The following XKR5 variants were observed in gnomAD, a reference collection of about 807,000 sequenced individuals.
XKR5 encodes the protein XK related 5.
In XKR5, 46 loss-of-function variants were observed where a neutral mutation model predicts 40.8. That is an observed-to-expected ratio of 1.13 (90% CI 0.89 to 1.44). The LOEUF (loss-of-function observed/expected upper bound fraction) is 1.44. Ranked by LOEUF, XKR5 falls within the 40% of genes most tolerant of loss-of-function variation. XKR5 has a pLI of 0.00. For synonymous variants in XKR5, 466 were observed against 356.1 expected (o/e 1.31, Z -3.48); for missense variants, 1,169 against 844.7 (o/e 1.38, Z -4.76).
chr8:6,815,339 C>G (rs1392458343), intron 6 of XKR5, among the ~76,000 whole-genome samples: 1 of 152,198 alleles, frequency 6.6e-6, no homozygotes, highest in Non-Finnish European at 1.5e-5. Flanking sequence ...GCTTGAATCT[C>G]AGCTCTATCT....
intron 6 of XKR5, among the ~76,000 whole-genome samples, chr8:6,814,794 T>A (rs1803884637): frequency 6.6e-6 from 1 of 152,214 alleles, no homozygotes. Flanking sequence ...TCTCAAATGC[T>A]TGTTACGAAG....
At chr8:6,821,797 C>G in intron 5 of XKR5, 72 bp downstream of exon 5, 1 of 1,368,480 alleles carries the variant, frequency 7.3e-7, no homozygotes. Context: ...CACACACCCC[C>G]CACACACACC....
intron 1 of XKR5, 104 bp from the exon 2 acceptor site, chr8:6,833,004 G>C (rs919731734): frequency 9.1e-7 from 1 of 1,093,618 alleles, no homozygotes; most frequent in African/African-American, 1.6e-5. Flanking sequence ...ATGATGTTCT[G>C]ACCTCTTAAA....
At chr8:6,822,292 A>G (rs776353474) in intron 4 of XKR5, among the ~76,000 whole-genome samples, 1 of 152,268 alleles carries the variant, frequency 6.6e-6, no homozygotes, top group African/African-American at 2.4e-5. Flanking sequence ...AGTAGCTTCA[A>G]TAACACTTGC....
intron 6 of XKR5, among the ~76,000 whole-genome samples, chr8:6,815,364 G>A (rs924269332): frequency 3.3e-5 from 5 of 152,116 alleles, no homozygotes; most frequent in African/African-American, 1.2e-4. Context: ...CAAACCATTG[G>A]ATCTTTCGGG....
At chr8:6,827,699 G>A (rs1365009907) in intron 2 of XKR5, among the ~76,000 whole-genome samples, 2 of 152,140 alleles carry the variant, frequency 1.3e-5, no homozygotes, top group Non-Finnish European at 2.9e-5. Flanking sequence ...TCCTGACATG[G>A]GGTAGTTTCC....
chr8:6,824,905 G>A (rs527970646), intron 3 of XKR5, among the ~76,000 whole-genome samples: 110 of 152,274 alleles, frequency 7.2e-4, no homozygotes, highest in African/African-American at 2.6e-3. Context: ...GCATTTTGAG[G>A]ATAATTTTGA....
intron 5 of XKR5, among the ~76,000 whole-genome samples, chr8:6,818,742 CCT>C (rs962019664): frequency 1.1e-4 from 16 of 152,182 alleles, no homozygotes; most frequent in African/African-American, 3.4e-4. Context: ...TAAAAGCTCC[CCT>C]GAGTGCCACT....
intron 2 of XKR5, among the ~76,000 whole-genome samples, chr8:6,832,434 A>T (rs570576945): frequency 6.6e-6 from 1 of 152,322 alleles, no homozygotes; most frequent in East Asian, 1.9e-4. Context: ...CTCAACCAAC[A>T]AATCAAAACA....
rs1405000330 is a variant in XKR5, at chr8:6,811,038, C to G, written c.*160G>C. On this transcript the variant is annotated 3_prime_UTR_variant, in exon 7 of 7. Coordinates refer to ENST00000618742, the MANE Select transcript of XKR5 (RefSeq NM_207411.5). ...GTTTGCATTGGACCTGCAAAATCAT[C>G]CAGCCCTGTTTCTTCATTTTTCAGG... 5.2e-6 allele frequency: 4 copies of G among 763,472 alleles called. No individual in the cohort carries two copies. Among genetic ancestry groups the G allele is most frequent in the Non-Finnish European group, 8.2e-6 (4 of 489,286 alleles). 47.3% of individuals were successfully genotyped at this position (763,472 alleles called of 1,614,324 possible). A position where few individuals can be genotyped will look rare whatever the true frequency, so the allele number is the denominator to read the frequency against.
At position 6,835,368 on chromosome 8, in the gene XKR5, C is replaced by T. The variant is rs931881566; in HGVS notation, c.58+68G>A. ...CCCGCCCGGGCATAGGCAGCCTGTG[C>T]GGCTCCCGGCGCCGGGGTGGGGTTA... On this transcript the variant is annotated intron_variant, in intron 1 of 6. Transcript: ENST00000618742. The T allele has an allele frequency of 8.2e-6, 11 of 1,342,796 alleles. No individual in the cohort carries two copies. The African/African-American group carries it at 9.2e-5, about 11-fold the overall frequency. 83.2% of individuals were successfully genotyped at this position (1,342,796 alleles called of 1,614,324 possible). A position where few individuals can be genotyped will look rare whatever the true frequency, so the allele number is the denominator to read the frequency against.
At chr8:6,829,299 T>C (rs1326310842) in intron 2 of XKR5, 1 of 169,166 alleles carries the variant, frequency 5.9e-6, no homozygotes, top group Non-Finnish European at 1.5e-5. Context: ...TACAAGTGGA[T>C]TTGTGGGCTT....
intron 5 of XKR5, among the ~76,000 whole-genome samples, chr8:6,818,164 C>T (rs1421845863): frequency 1.3e-5 from 2 of 152,176 alleles, no homozygotes; most frequent in Non-Finnish European, 2.9e-5. Flanking sequence ...TTCCCTCGGA[C>T]GCTGTGCGCA....
intron 2 of XKR5, among the ~76,000 whole-genome samples, chr8:6,825,726 G>A (rs570806485): frequency 2.6e-5 from 4 of 152,232 alleles, no homozygotes; most frequent in East Asian, 3.9e-4. Context: ...TTCATTTATC[G>A]ACAGATGTCT....
chr8:6,822,469 A>T (rs1804284484), intron 4 of XKR5, among the ~76,000 whole-genome samples: 1 of 152,078 alleles, frequency 6.6e-6, no homozygotes, highest in Non-Finnish European at 1.5e-5. Flanking sequence ...ATATTTTAAG[A>T]CGAATAAATC....
intron 6 of XKR5, among the ~76,000 whole-genome samples, chr8:6,814,948 G>A (rs1004130763): frequency 6.6e-6 from 1 of 152,204 alleles, no homozygotes; most frequent in Admixed American, 6.5e-5. Context: ...AAAAGAACCC[G>A]AGGCCACTTC....
Position 6,825,264 on chromosome 8 carries a change from A to G in XKR5, c.328T>C (p.Ser110Pro). The G allele has an allele frequency of 1.2e-6, 2 of 1,611,540 alleles. No individual in the cohort carries two copies. The highest frequency in any genetic ancestry group is 1.7e-6 in the Non-Finnish European group (2 of 1,179,044). Reference protein sequence around the residue: ...GWLQLQEADLSALRLLEALLQ... With the variant: ...GWLQLQEADLPALRLLEALLQ... ...AGGGCCTCCAAGAGTCGAAGGGCCGACAGGTCGGCCTCCTGCAGCTGCAGC... is the reference window on the plus strand; with the variant it reads ...AGGGCCTCCAAGAGTCGAAGGGCCGGCAGGTCGGCCTCCTGCAGCTGCAGC... The change falls in exon 3 of 7, where the codon TCG becomes CCG. Residue 110 changes from serine (S) to proline (P), a missense_variant. By Grantham distance (74) the Ser-to-Pro change is moderately conservative (BLOSUM62 -1). Coordinates refer to ENST00000618742, the MANE Select transcript of XKR5 (RefSeq NM_207411.5).
rs190437277 is a variant in XKR5 at position 6,833,131 on chromosome 8, C to G, written c.59-231G>C. ...GAACTAAATCTAGCCAGAGCCAGACCTCCCCTACCTGGCCCATACCCCCGC... is the reference window on the plus strand; with the variant it reads ...GAACTAAATCTAGCCAGAGCCAGACGTCCCCTACCTGGCCCATACCCCCGC... On this transcript the variant is annotated intron_variant, in intron 1 of 6. Transcript: ENST00000618742. Among the ~76,000 whole-genome samples the G allele has an allele frequency of 4.6e-5, 7 of 152,322 alleles. No homozygotes were observed. In the East Asian group the frequency reaches 1.3e-3, roughly 29 times the overall value.
intron 2 of XKR5, among the ~76,000 whole-genome samples, chr8:6,832,161 T>C (rs572639570): frequency 6.6e-6 from 1 of 151,822 alleles, no homozygotes; most frequent in Admixed American, 6.6e-5. Context: ...TAGAAAAAAA[T>C]CAGCCCTCAC....
Sources: gnomAD v4.1 joint callset for allele counts (sites outside exome capture counted in the v4.1 genomes callset) on GRCh38, gnomAD v4.1.1 for gene constraint, MANE v1.5 for transcripts, NCBI Gene and HGNC (gene_info 2026-07-23, HGNC 2026-07-21) for gene names.